Variants in BAG4 observed in about 807,000 individuals in gnomAD.
BAG4 encodes the protein BAG cochaperone 4, also known as BAG family molecular chaperone regulator 4.
Under a neutral mutation model 52.1 loss-of-function variants are expected in BAG4, and 28 were observed. The ratio of observed to expected loss-of-function variants is 0.54; its 90% confidence interval spans 0.40 to 0.74. The LOEUF is 0.74. Among genes scored for constraint, BAG4 ranks in the 30% least tolerant of loss-of-function variants. BAG4 has a pLI of 0.00. For synonymous variants in BAG4, 208 were observed against 217.0 expected (o/e 0.96, Z 0.37); for missense variants, 525 against 572.0 (o/e 0.92, Z 0.84).
intron 2 of BAG4, among the ~76,000 whole-genome samples, chr8:38,193,433 CAAAA>C (rs932366293): frequency 2.0e-5 from 3 of 151,460 alleles, no homozygotes; most frequent in Non-Finnish European, 4.4e-5. Flanking sequence ...AAAAAACAAA[CAAAA>C]AAACCCCACG....
At chr8:38,198,752 G>A (rs1803610714) in intron 2 of BAG4, among the ~76,000 whole-genome samples, 1 of 152,008 alleles carries the variant, frequency 6.6e-6, no homozygotes, top group Admixed American at 6.6e-5. Context: ...CTCCCAAAGT[G>A]CTGGGATTAA....
intron 1 of BAG4, among the ~76,000 whole-genome samples, chr8:38,191,771 A>C (rs1342526999): frequency 6.6e-6 from 1 of 151,964 alleles, no homozygotes; most frequent in Non-Finnish European, 1.5e-5. Context: ...AAAAAAAAAA[A>C]AAAAAAAAAA....
At chr8:38,202,474 T>A (rs993865646) in intron 2 of BAG4, among the ~76,000 whole-genome samples, 7 of 152,164 alleles carry the variant, frequency 4.6e-5, no homozygotes, top group African/African-American at 1.7e-4. Flanking sequence ...CCCGCTTATC[T>A]TAAACTCTTT....
chr8:38,188,618 C>A (rs1029411737), intron 1 of BAG4, among the ~76,000 whole-genome samples: 1 of 147,498 alleles, frequency 6.8e-6, no homozygotes, highest in East Asian at 2.0e-4. Flanking sequence ...CATATATATA[C>A]ATGTACACAT....
At chr8:38,189,250 T>C (rs1803427726) in intron 1 of BAG4, among the ~76,000 whole-genome samples, 2 of 152,104 alleles carry the variant, frequency 1.3e-5, no homozygotes, top group African/African-American at 4.8e-5. Context: ...AGGCCTGAAT[T>C]ATATACTTTA....
rs1225752806 is a variant in BAG4, at chr8:38,176,969, C to A, written c.100C>A (p.Pro34Thr). 1.9e-6 allele frequency: 3 copies of A among 1,575,212 alleles called. No homozygotes were observed. Among genetic ancestry groups the A allele is most frequent in the East Asian group, 2.3e-5 (1 of 42,794 alleles). Residue 34 changes from proline (P) to threonine (T), a missense_variant, in exon 1 of 5, where the codon CCA becomes ACA. Physicochemically the swap from Pro to Thr is conservative, Grantham distance 38 (BLOSUM62 -1). This residue lies in a region of BAG4 where 287 missense variants were observed against 266.1 expected (regional missense o/e 1.08). Coordinates refer to ENST00000287322, the MANE Select transcript of BAG4 (RefSeq NM_004874.4). ...TGGAGATGTGCCGGTACACCCACCT[C>A]CACCCTTATATCCTCTTCGCCCTGA... ...GGGDVPVHPPPPLYPLRPEPP... is the reference protein window; with the variant it reads ...GGGDVPVHPPTPLYPLRPEPP...
At chr8:38,183,817 C>T (rs1007263981) in intron 1 of BAG4, among the ~76,000 whole-genome samples, 2 of 152,058 alleles carry the variant, frequency 1.3e-5, no homozygotes, top group African/African-American at 4.8e-5. Context: ...GCTACCGTGC[C>T]TGGCATGACC....
Position 38,207,649 on chromosome 8 carries a change from T to A in BAG4, c.516T>A (p.Thr172=). ...GTTACTCCACAGAAGTTCCAAGTAC[T>A]TACCGTTCATCTGGCAACAGCCCAA... ...QTSYSTEVPS[T]YRSSGNSPTP... Residue 172 remains threonine, a synonymous_variant, in exon 3 of 5, where the codon ACT becomes ACA. Transcript: ENST00000287322. 1.2e-6 allele frequency: 2 copies of A among 1,614,166 alleles called. No homozygotes were observed. The highest frequency in any genetic ancestry group is 1.7e-6 in the Non-Finnish European group (2 of 1,180,018).
At position 38,180,740 on chromosome 8, in the gene BAG4, A is replaced by G. The variant is rs554993667; in HGVS notation, c.270+3601A>G. On this transcript the variant is annotated intron_variant, in intron 1 of 4. Transcript: ENST00000287322. ...AGCCTCGGTGTCACTTGTGAGGTTG[A>G]TAGAAATGCAAAATCTCTCCTCTTC... Among the ~76,000 whole-genome samples the G allele has an allele frequency of 2.0e-5, 3 of 152,108 alleles. No homozygotes were observed. In the South Asian group the frequency reaches 6.2e-4, roughly 32 times the overall value.
chr8:38,204,959 GA>G (rs952923039), intron 2 of BAG4, among the ~76,000 whole-genome samples: 3 of 151,390 alleles, frequency 2.0e-5, no homozygotes, highest in African/African-American at 7.3e-5. Flanking sequence ...AACTTAAAAG[GA>G]AAAAAACAAC....
At chr8:38,190,335 CTTTTAGAAAGGTA>C (rs1447015927) in intron 1 of BAG4, among the ~76,000 whole-genome samples, 1 of 152,088 alleles carries the variant, frequency 6.6e-6, no homozygotes, top group African/African-American at 2.4e-5. Context: ...ATTTCTTTTG[CTTTTAGAAAGGTA>C]CCACTAAAGA....
intron 2 of BAG4, among the ~76,000 whole-genome samples, chr8:38,200,600 T>C (rs1035586005): frequency 6.6e-6 from 1 of 151,978 alleles, no homozygotes; most frequent in Non-Finnish European, 1.5e-5. Flanking sequence ...GATTTTCTTT[T>C]TTTCTTTTTT....
At chr8:38,183,997 A>G (rs1228495639) in intron 1 of BAG4, among the ~76,000 whole-genome samples, 2 of 152,252 alleles carry the variant, frequency 1.3e-5, no homozygotes, top group Non-Finnish European at 2.9e-5. Context: ...TGAGCAGGAA[A>G]ACAGAAACCA....
chr8:38,209,841 A>G (rs1210503176), intron 4 of BAG4, among the ~76,000 whole-genome samples, 167 bp from the exon 5 acceptor site: 1 of 152,140 alleles, frequency 6.6e-6, no homozygotes, highest in Non-Finnish European at 1.5e-5. Context: ...TTATCTTCTT[A>G]GGACTGTGTT....
At chr8:38,177,411 A>T (rs1021211122) in intron 1 of BAG4, among the ~76,000 whole-genome samples, 5 of 152,254 alleles carry the variant, frequency 3.3e-5, no homozygotes, top group African/African-American at 9.6e-5. Context: ...CAGGCTGCAG[A>T]TCTCTCTCCT....
chr8:38,208,270 A>C (rs1187505805), intron 3 of BAG4, among the ~76,000 whole-genome samples: 1 of 132,674 alleles, frequency 7.5e-6, no homozygotes, highest in Non-Finnish European at 1.6e-5. Context: ...CCACCGTGCC[A>C]GGCAAATCTT....
chr8:38,210,539 A>C lies in BAG4; in HGVS notation c.*46A>C, dbSNP rs1165525561. ...AAGCCTGTTACTAACTTGACCAAAG[A>C]ACACTTGATTTGGTTAATTACCCTC... On this transcript the variant is annotated 3_prime_UTR_variant, in exon 5 of 5. Transcript: ENST00000287322. 5 of 1,517,924 alleles carry C rather than the reference A, an allele frequency of 3.3e-6. No homozygotes were observed. The African/African-American group carries it at 7.0e-5, about 21-fold the overall frequency. The allele number at this position is 1,517,924 out of a possible 1,614,324, so 94.0% of individuals were successfully genotyped here. A position where few individuals can be genotyped will look rare whatever the true frequency, so the allele number is the denominator to read the frequency against.
At chr8:38,190,340 A>G (rs1803453383) in intron 1 of BAG4, among the ~76,000 whole-genome samples, 1 of 152,234 alleles carries the variant, frequency 6.6e-6, no homozygotes, top group South Asian at 2.1e-4. Context: ...TTTTGCTTTT[A>G]GAAAGGTACC....
intron 2 of BAG4, among the ~76,000 whole-genome samples, chr8:38,206,405 G>A (rs968140430): frequency 6.6e-6 from 1 of 151,966 alleles, no homozygotes; most frequent in East Asian, 2.0e-4. Flanking sequence ...GTGTGGATAA[G>A]AGTCTGAATA....
Sources: allele counts gnomAD v4.1 joint callset (sites outside exome capture counted in the v4.1 genomes callset), GRCh38; gene constraint gnomAD v4.1.1; regional missense constraint gnomAD v4.1.1; transcripts MANE v1.5; gene names NCBI Gene and HGNC (gene_info 2026-07-23, HGNC 2026-07-21).